Variants in ZNF536 observed in about 807,000 individuals in gnomAD.
ZNF536 encodes the protein zinc finger protein 536.
A neutral mutation model predicts 84.5 loss-of-function variants in ZNF536; 13 were observed. The ratio of observed to expected loss-of-function variants is 0.15; its 90% confidence interval spans 0.10 to 0.24. The LOEUF (loss-of-function observed/expected upper bound fraction) is 0.24. Ranked by LOEUF, ZNF536 falls within the 10% of genes least tolerant of loss-of-function variation. The pLI is 1.00. For missense variants in ZNF536, 1,536 were observed against 1,747.5 expected (o/e 0.88, Z 2.16); for synonymous variants, 811 against 742.5 (o/e 1.09, Z -1.50).
intron 1 of ZNF536, among the ~76,000 whole-genome samples, chr19:30,430,467 A>C (rs1180679975): frequency 6.6e-5 from 10 of 152,246 alleles, no homozygotes. Flanking sequence ...ACCCAACCTA[A>C]TGTAGAAGAC....
intron 1 of ZNF536, among the ~76,000 whole-genome samples, chr19:30,247,051 G>A (rs965997434): frequency 2.6e-5 from 4 of 152,290 alleles, no homozygotes; most frequent in South Asian, 4.1e-4. Context: ...CCAGCTTTCC[G>A]CTGGGGTTTG....
intron 1 of ZNF536, among the ~76,000 whole-genome samples, chr19:30,603,888 G>A (rs1442831213): frequency 2.6e-5 from 4 of 152,092 alleles, no homozygotes; most frequent in Non-Finnish European, 4.4e-5. Flanking sequence ...TCAGGAGTTC[G>A]AGACCAGCCT....
At position 30,443,728 on chromosome 19, in the gene ZNF536, C is replaced by T. The variant is rs776167057; in HGVS notation, c.166C>T (p.Pro56Ser). Residue 56 changes from proline to serine, a missense_variant, in exon 2 of 5, where the codon CCC becomes TCC. Transcript: ENST00000355537. ...CCCCGAGCTCCATCCCCGGCCCAAC[C>T]CCGAGGAGAAGCCCCCCGCATCCCT... ...AFPELHPRPN[P>S]EEKPPASLEE... 1 of 1,613,244 alleles carries T rather than the reference C, an allele frequency of 6.2e-7. No homozygotes were observed.
At chr19:30,687,345 A>T (rs989615209) in intron 1 of ZNF536, among the ~76,000 whole-genome samples, 5 of 152,222 alleles carry the variant, frequency 3.3e-5, no homozygotes, top group Non-Finnish European at 7.4e-5. Flanking sequence ...ACTTTGATGA[A>T]TTCGAGCTCT....
chr19:30,470,551 G>C (rs190473631), intron 2 of ZNF536, among the ~76,000 whole-genome samples: 2 of 151,724 alleles, frequency 1.3e-5, no homozygotes, highest in Non-Finnish European at 2.9e-5. Context: ...GAAAGTACAA[G>C]GGGTGGCCAT....
At chr19:30,428,617 C>T (rs2051314269) in intron 1 of ZNF536, among the ~76,000 whole-genome samples, 1 of 151,848 alleles carries the variant, frequency 6.6e-6, no homozygotes, top group South Asian at 2.1e-4. Context: ...TTACAGAACA[C>T]CTTGGGGTTC....
intron 1 of ZNF536, among the ~76,000 whole-genome samples, chr19:30,410,886 T>A (rs1198350221): frequency 6.6e-6 from 1 of 152,260 alleles, no homozygotes; most frequent in East Asian, 1.9e-4. Context: ...CACAAATGCA[T>A]ATAAATACAA....
In ZNF536 at chr19:30,455,033, C is replaced by G. The variant is rs930780623; in HGVS notation, c.2170+9301C>G. ...GGGCAACAAGAGCAAAACTCCATCT[C>G]AAAAACAAACAAACAAACAAACAAA... On this transcript the variant is annotated intron_variant, in intron 2 of 4. Coordinates refer to ENST00000355537, the MANE Select transcript of ZNF536 (RefSeq NM_014717.3). Among the ~76,000 whole-genome samples the G allele has an allele frequency of 3.3e-5, 4 of 120,788 alleles. No individual in the cohort carries two copies. In the South Asian group the frequency reaches 7.2e-4, roughly 22 times the overall value. The allele number at this position is 120,788 out of a possible 152,430, so 79.2% of individuals were successfully genotyped here. A position where few individuals can be genotyped will look rare whatever the true frequency, so the allele number is the denominator to read the frequency against.
intron 2 of ZNF536, among the ~76,000 whole-genome samples, chr19:30,527,631 A>G (rs1307699191): frequency 6.6e-6 from 1 of 151,950 alleles, no homozygotes; most frequent in African/African-American, 2.4e-5. Context: ...GACCCGAGGC[A>G]TGAGTTATGT....
At chr19:30,480,961 G>A (rs1001481305) in intron 2 of ZNF536, among the ~76,000 whole-genome samples, 2 of 151,608 alleles carry the variant, frequency 1.3e-5, no homozygotes, top group Non-Finnish European at 2.9e-5. Flanking sequence ...CCCGGGAGGC[G>A]GAGGCTGCAG....
At chr19:30,693,568 A>C (rs1044627262) in intron 1 of ZNF536, among the ~76,000 whole-genome samples, 2 of 148,216 alleles carry the variant, frequency 1.3e-5, no homozygotes, top group Non-Finnish European at 3.0e-5. Context: ...AAGGAGGCTC[A>C]TTTCCTTTGT....
rs2146233655 is a variant in ZNF536 at position 30,549,038 on chromosome 19, A to G, written c.3419A>G (p.His1140Arg). The change falls in exon 4 of 5, where the codon CAC (histidine) becomes CGC (arginine). Residue 1140 changes from histidine (H) to arginine (R), a missense_variant. Coordinates refer to ENST00000355537, the MANE Select transcript of ZNF536 (RefSeq NM_014717.3). ...AACAAGGAGCCTGATGGAAAGGCCC[A>G]CTCTGAAGAGGATGTCCCCATCCTG... ...CPNKEPDGKA[H>R]SEEDVPILIP... 6.2e-7 allele frequency: 1 copy of G among 1,614,108 alleles called. No individual in the cohort carries two copies. The highest frequency in any genetic ancestry group is 8.5e-7 in the Non-Finnish European group (1 of 1,180,012).
At chr19:30,455,650 G>A (rs1185122204) in intron 2 of ZNF536, among the ~76,000 whole-genome samples, 2 of 152,134 alleles carry the variant, frequency 1.3e-5, no homozygotes, top group Non-Finnish European at 2.9e-5. Flanking sequence ...GCAGTGAGAT[G>A]AGATTGTGTC....
intron 1 of ZNF536, among the ~76,000 whole-genome samples, chr19:30,373,750 C>T (rs1157493067): frequency 6.6e-6 from 1 of 152,216 alleles, no homozygotes; most frequent in Non-Finnish European, 1.5e-5. Flanking sequence ...GGAGAGAAAG[C>T]CCCGGCAAAT....
rs1205113425 is a variant in ZNF536, at chr19:30,444,590, A to G, written c.1028A>G (p.Asn343Ser). Residue 343 changes from asparagine to serine, a missense_variant, in exon 2 of 5, where the codon AAC becomes AGC. Around this residue, in one of 8 missense-constraint regions of ZNF536, gnomAD observed 61 missense variants for 104.0 expected, o/e 0.59. Transcript: ENST00000355537. ...GPNGGGEQSA[N>S]EFRCEVCGQV... ...AACGGCGGTGGCGAGCAGTCGGCCA[A>G]CGAGTTCCGCTGCGAGGTGTGCGGT... is the stretch of plus-strand genomic sequence containing the variant. 2.5e-6 allele frequency: 4 copies of G among 1,613,818 alleles called. No homozygotes were observed. The highest frequency in any genetic ancestry group is 3.4e-6 in the Non-Finnish European group (4 of 1,180,028).
At chr19:30,469,686 T>G (rs770522578) in intron 2 of ZNF536, among the ~76,000 whole-genome samples, 39 of 152,144 alleles carry the variant, frequency 2.6e-4, no homozygotes, top group Non-Finnish European at 4.9e-4. Context: ...ATTCCACACC[T>G]GGGCACCCTG....
chr19:30,647,261 A>G (rs1043228465), intron 1 of ZNF536, among the ~76,000 whole-genome samples: 7 of 152,138 alleles, frequency 4.6e-5, no homozygotes, highest in African/African-American at 1.7e-4. Context: ...GCTCAAGTCA[A>G]GCTTACTGGT....
intron 2 of ZNF536, among the ~76,000 whole-genome samples, chr19:30,462,084 G>C (rs1336954868): frequency 6.6e-6 from 1 of 152,216 alleles, no homozygotes; most frequent in Non-Finnish European, 1.5e-5. Context: ...CTCCAGAGGA[G>C]GGGTGGCTGA....
chr19:30,436,556 T>C, intron 1 of ZNF536: 1 of 963,250 alleles, frequency 1.0e-6, no homozygotes, highest in Non-Finnish European at 1.2e-6. Context: ...TTTGTAATAA[T>C]GTTTACAGCT....
Sources: allele counts gnomAD v4.1 joint callset (sites outside exome capture counted in the v4.1 genomes callset), GRCh38; gene constraint gnomAD v4.1.1; regional missense constraint gnomAD v4.1.1; transcripts MANE v1.5; gene names NCBI Gene and HGNC (gene_info 2026-07-23, HGNC 2026-07-21).